Variants in DPYSL3 observed in about 807,000 individuals in gnomAD.
DPYSL3 encodes the protein dihydropyrimidinase like 3, also known as dihydropyrimidinase-related protein 3.
In DPYSL3, 16 loss-of-function variants were observed where a neutral mutation model predicts 66.1. That is an observed-to-expected ratio of 0.24 (90% CI 0.16 to 0.37). DPYSL3 has a LOEUF of 0.37. DPYSL3 is among the 10% of genes least tolerant of loss of function. The pLI is 1.00. For synonymous variants in DPYSL3, 338 were observed against 345.1 expected (o/e 0.98, Z 0.23); for missense variants, 738 against 916.2 (o/e 0.81, Z 2.51).
chr5:147,421,353 G>A (rs1478292366), intron 2 of DPYSL3, among the ~76,000 whole-genome samples: 3 of 151,800 alleles, frequency 2.0e-5, no homozygotes, highest in Non-Finnish European at 4.4e-5. Flanking sequence ...CACTGCTCAA[G>A]GAAATAAGAC....
chr5:147,453,872 A>T, intron 1 of DPYSL3: 2 of 621,136 alleles, frequency 3.2e-6, no homozygotes, highest in East Asian at 3.7e-5. Flanking sequence ...TTGCTGCGCC[A>T]GCTGGGACCC....
At chr5:147,484,486 T>A (rs1234666087) in intron 1 of DPYSL3, among the ~76,000 whole-genome samples, 1 of 152,234 alleles carries the variant, frequency 6.6e-6, no homozygotes, top group African/African-American at 2.4e-5. Context: ...ACCTACGTCC[T>A]TAGAGACAAT....
At chr5:147,395,252 C>A (rs1757933163) in intron 13 of DPYSL3, among the ~76,000 whole-genome samples, 2 of 152,202 alleles carry the variant, frequency 1.3e-5, no homozygotes, top group African/African-American at 4.8e-5. Context: ...TGCTGGAAAT[C>A]ACTATCAATT....
chr5:147,493,167 G>A (rs1160313588), intron 1 of DPYSL3, among the ~76,000 whole-genome samples: 2 of 152,202 alleles, frequency 1.3e-5, no homozygotes, highest in Non-Finnish European at 2.9e-5. Context: ...ATGTGTATGT[G>A]TCAAACAACA....
intron 10 of DPYSL3, among the ~76,000 whole-genome samples, chr5:147,400,373 T>A (rs1017273157): frequency 6.6e-6 from 1 of 152,206 alleles, no homozygotes; most frequent in Non-Finnish European, 1.5e-5. Context: ...GTCATAAAAC[T>A]ATCCAAACAA....
intron 1 of DPYSL3, among the ~76,000 whole-genome samples, chr5:147,496,950 C>G (rs951597512): frequency 8.5e-5 from 13 of 152,180 alleles, no homozygotes; most frequent in Non-Finnish European, 1.6e-4. Context: ...CACATGCACA[C>G]GTATGTTTAT....
At position 147,484,814 on chromosome 5, in the gene DPYSL3, A is replaced by G. The variant is rs111848739; in HGVS notation, c.381+24664T>C. The stretch of plus-strand genomic sequence containing the variant: ...GGTTTGTTAACTGCTCTCTAACATC[A>G]ACAGAAGAACTCAGCAAGGAATTGG... On this transcript the variant is annotated intron_variant, in intron 1 of 13. Coordinates refer to ENST00000343218, the MANE Select transcript of DPYSL3 (RefSeq NM_001197294.2). Among the ~76,000 whole-genome samples, 93 of 152,302 alleles carry G rather than the reference A, an allele frequency of 6.1e-4. 2 individuals are homozygous for G. Among genetic ancestry groups the G allele is most frequent in the African/African-American group, 2.1e-3 (89 of 41,564 alleles).
intron 1 of DPYSL3, among the ~76,000 whole-genome samples, chr5:147,492,988 G>A (rs1258424285): frequency 6.6e-6 from 1 of 152,074 alleles, no homozygotes; most frequent in Admixed American, 6.6e-5. Context: ...AAAAGAAAAG[G>A]AATGGAGAAA....
At chr5:147,447,889 T>C (rs759950062) in intron 1 of DPYSL3, among the ~76,000 whole-genome samples, 17 of 152,138 alleles carry the variant, frequency 1.1e-4, no homozygotes, top group Non-Finnish European at 1.5e-4. Flanking sequence ...CAAGAGGTAA[T>C]GACATATTCA....
At chr5:147,469,032 G>A (rs535530388) in intron 1 of DPYSL3, among the ~76,000 whole-genome samples, 4 of 152,262 alleles carry the variant, frequency 2.6e-5, no homozygotes, top group South Asian at 2.1e-4. Flanking sequence ...AAGAATATCC[G>A]AGGCAGCCAA....
chr5:147,458,359 A>ATGG (rs1268105792), intron 1 of DPYSL3, among the ~76,000 whole-genome samples: 1 of 152,184 alleles, frequency 6.6e-6, no homozygotes, highest in Non-Finnish European at 1.5e-5. Flanking sequence ...TACAAATACC[A>ATGG]TGGCAACGTC....
At chr5:147,441,583 A>G (rs1459423318) in intron 1 of DPYSL3, among the ~76,000 whole-genome samples, 7 of 152,186 alleles carry the variant, frequency 4.6e-5, no homozygotes, top group Admixed American at 3.9e-4. Flanking sequence ...GCCTTCCTCA[A>G]CAAAATTACG....
rs746269998 is a variant in DPYSL3 at position 147,393,713 on chromosome 5, C to A, written c.*322G>T. ...CCTGACGTCCCAGCTTGTCTGTCCC[C>A]TTGTCATAAGATGCAGCACTACACA... On this transcript the variant is annotated 3_prime_UTR_variant, in exon 14 of 14. Coordinates refer to ENST00000343218, the MANE Select transcript of DPYSL3 (RefSeq NM_001197294.2). 14 of 242,798 alleles carry A rather than the reference C, an allele frequency of 5.8e-5. No homozygotes were observed. The highest frequency in any genetic ancestry group is 1.1e-4 in the Non-Finnish European group (14 of 122,684). The allele number at this position is 242,798 out of a possible 1,614,324, so 15.0% of individuals were successfully genotyped here. A position where few individuals can be genotyped will look rare whatever the true frequency, so the allele number is the denominator to read the frequency against.
At chr5:147,425,936 T>C (rs546842506) in intron 1 of DPYSL3, among the ~76,000 whole-genome samples, 4 of 152,078 alleles carry the variant, frequency 2.6e-5, no homozygotes, top group East Asian at 3.9e-4. Context: ...AGCTACAGCA[T>C]GAATAAAGAA....
chr5:147,468,706 AT>A (rs939630399), intron 1 of DPYSL3, among the ~76,000 whole-genome samples: 15 of 150,564 alleles, frequency 1.0e-4, no homozygotes, highest in African/African-American at 2.2e-4. Context: ...TAACTTAATA[AT>A]TTTTTTTCTT....
chr5:147,403,831 A>T (rs1365704800), intron 8 of DPYSL3, among the ~76,000 whole-genome samples: 1 of 152,198 alleles, frequency 6.6e-6, no homozygotes, highest in African/African-American at 2.4e-5. Flanking sequence ...CATCCCTGAA[A>T]TAATACCCCC....
chr5:147,453,507 G>A, intron 1 of DPYSL3: 2 of 1,515,630 alleles, frequency 1.3e-6, no homozygotes, highest in Non-Finnish European at 8.8e-7. Flanking sequence ...CAGCGGACAG[G>A]GAGCGAGCGA....
intron 6 of DPYSL3, among the ~76,000 whole-genome samples, chr5:147,411,270 T>C (rs1751847974): frequency 6.6e-6 from 1 of 152,152 alleles, no homozygotes; most frequent in Non-Finnish European, 1.5e-5. Context: ...TCCTTGGTCA[T>C]GGTGAGAGGA....
intron 1 of DPYSL3, among the ~76,000 whole-genome samples, chr5:147,442,844 C>CAA (rs11383280): frequency 2.4e-4 from 36 of 148,186 alleles, no homozygotes; most frequent in South Asian, 8.5e-4. Flanking sequence ...CAAATATAGT[C>CAA]AAAAAAAAAA....
Sources: gnomAD v4.1 joint callset for allele counts (sites outside exome capture counted in the v4.1 genomes callset) on GRCh38, gnomAD v4.1.1 for gene constraint, MANE v1.5 for transcripts, NCBI Gene and HGNC (gene_info 2026-07-23, HGNC 2026-07-21) for gene names.